Variants in GRID1 observed in about 807,000 individuals in gnomAD.
GRID1 encodes the protein glutamate receptor ionotropic, delta-1.
In GRID1, 28 loss-of-function variants were observed where a neutral mutation model predicts 98.0. The ratio of observed to expected loss-of-function variants is 0.29; its 90% CI spans 0.21 to 0.39. GRID1 has a LOEUF of 0.39. Ranked by LOEUF, GRID1 falls within the 10% of genes least tolerant of loss-of-function variation. The pLI, the probability that GRID1 is intolerant of heterozygous loss-of-function variation, is 1.00. For missense variants in GRID1, 1,111 were observed against 1,340.5 expected, an observed-to-expected ratio of 0.83 and a Z score of 2.67; for synonymous variants, 553 against 538.5, an observed-to-expected ratio of 1.03 and a Z score of -0.37.
At chr10:85,930,157 T>C (rs939308364) in intron 4 of GRID1, among the ~76,000 whole-genome samples, 2 of 151,158 alleles carry the variant, frequency 1.3e-5, no homozygotes, top group African/African-American at 4.8e-5. Context: ...CGGTTATTTA[T>C]AACTACAAAT....
chr10:85,604,158 C>T (rs192725402), intron 15 of GRID1, among the ~76,000 whole-genome samples: 2 of 152,296 alleles, frequency 1.3e-5, no homozygotes, highest in Admixed American at 6.5e-5. Flanking sequence ...CTGCAGTTCA[C>T]TCCTTGCCTC....
chr10:85,610,654 C>T (rs1842722184), intron 15 of GRID1, among the ~76,000 whole-genome samples: 1 of 152,200 alleles, frequency 6.6e-6, no homozygotes, highest in African/African-American at 2.4e-5. Context: ...CACTGCAGTA[C>T]AGCCTGCTCA....
chr10:85,767,665 C>T (rs1310891556), intron 8 of GRID1, among the ~76,000 whole-genome samples: 2 of 152,156 alleles, frequency 1.3e-5, no homozygotes, highest in Admixed American at 6.5e-5. Context: ...AAGCGGTGGG[C>T]ATTTCTTCAG....
intron 4 of GRID1, among the ~76,000 whole-genome samples, chr10:86,121,517 CTACCATCAT>C (rs1844671632): frequency 5.0e-3 from 6 of 1,198 alleles, no homozygotes; most frequent in East Asian, 0.077. Flanking sequence ...ATCATCATCA[CTACCATCAT>C]CACCATCATC....
intron 2 of GRID1, among the ~76,000 whole-genome samples, chr10:86,332,238 C>T (rs1201749667): frequency 6.6e-6 from 1 of 152,194 alleles, no homozygotes; most frequent in Non-Finnish European, 1.5e-5. Context: ...AGAATCCAGG[C>T]CAACTTCCTG....
chr10:86,126,415 T>A (rs772672585), intron 4 of GRID1, among the ~76,000 whole-genome samples: 8 of 152,114 alleles, frequency 5.3e-5, no homozygotes, highest in Non-Finnish European at 1.2e-4. Context: ...AGATCGTGCC[T>A]CTGCACTCCA....
At chr10:85,822,931 T>G (rs1034929275) in intron 8 of GRID1, among the ~76,000 whole-genome samples, 3 of 152,112 alleles carry the variant, frequency 2.0e-5, no homozygotes, top group Non-Finnish European at 4.4e-5. Context: ...AGCAAACTAT[T>G]GCAAGGACAA....
intron 2 of GRID1, among the ~76,000 whole-genome samples, chr10:86,298,934 G>A (rs1192056268): frequency 6.6e-6 from 1 of 152,170 alleles, no homozygotes; most frequent in Non-Finnish European, 1.5e-5. Context: ...ACGTGAGGAA[G>A]GAGTGGACAG....
At chr10:86,035,954 GC>G (rs1380524088) in intron 4 of GRID1, among the ~76,000 whole-genome samples, 2 of 152,188 alleles carry the variant, frequency 1.3e-5, no homozygotes, top group Non-Finnish European at 2.9e-5. Context: ...GCTTTTGAGA[GC>G]CCCCTGCAGC....
At position 85,719,135 on chromosome 10, in the gene GRID1, C is replaced by T. The variant is rs991858389; in HGVS notation, c.1997+3868G>A. On this transcript the variant is annotated intron_variant, in intron 12 of 15. Transcript: ENST00000327946. Reference sequence around the variant, plus strand: ...CAAGAGTCACCTTTGCTCCAGTTCCCGATAAGTTCCTCATCTCCACTTGAG... The same window carrying T: ...CAAGAGTCACCTTTGCTCCAGTTCCTGATAAGTTCCTCATCTCCACTTGAG... 7.9e-5 allele frequency among the ~76,000 whole-genome samples: 12 copies of T among 152,170 alleles called. No homozygotes were observed. The South Asian group carries it at 1.2e-3, about 16-fold the overall frequency.
chr10:85,968,419 C>G (rs1352655482), intron 4 of GRID1, among the ~76,000 whole-genome samples: 1 of 137,378 alleles, frequency 7.3e-6, no homozygotes, highest in Admixed American at 7.7e-5. Flanking sequence ...CCACTGCACT[C>G]TAGCCTGGAC....
chr10:85,908,861 A>G (rs549150509), intron 5 of GRID1, among the ~76,000 whole-genome samples: 1 of 152,346 alleles, frequency 6.6e-6, no homozygotes, highest in East Asian at 1.9e-4. Context: ...TCAATGGAAT[A>G]GAATCAAGAG....
chr10:85,695,497 G>A (rs1841383197), intron 12 of GRID1, among the ~76,000 whole-genome samples: 1 of 152,192 alleles, frequency 6.6e-6, no homozygotes, highest in African/African-American at 2.4e-5. Context: ...GCTATAAAAT[G>A]TGGATGCTAT....
chr10:86,184,981 T>G (rs910974686), intron 3 of GRID1, among the ~76,000 whole-genome samples: 1 of 152,154 alleles, frequency 6.6e-6, no homozygotes, highest in Non-Finnish European at 1.5e-5. Context: ...TACATTTCCA[T>G]ACAAATTTTA....
chr10:85,855,525 C>T (rs778682909), intron 7 of GRID1, among the ~76,000 whole-genome samples: 6 of 152,356 alleles, frequency 3.9e-5, no homozygotes, highest in African/African-American at 9.6e-5. Flanking sequence ...AAATTCCTAA[C>T]GCTATGGATT....
chr10:86,268,723 G>A (rs1049594963), intron 2 of GRID1, among the ~76,000 whole-genome samples: 4 of 152,018 alleles, frequency 2.6e-5, no homozygotes, highest in East Asian at 1.9e-4. Context: ...GGGCGCAGTG[G>A]CTCACACCTA....
intron 3 of GRID1, among the ~76,000 whole-genome samples, chr10:86,202,829 C>G (rs1845973302): frequency 6.6e-6 from 1 of 152,186 alleles, no homozygotes. Context: ...CCTTGCCCCA[C>G]AAAGGAGGGA....
At chr10:85,764,814 T>C (rs528606460) in intron 8 of GRID1, among the ~76,000 whole-genome samples, 1 of 152,286 alleles carries the variant, frequency 6.6e-6, no homozygotes, top group Non-Finnish European at 1.5e-5. Context: ...TACAGGCCCA[T>C]ACACAATTCA....
chr10:85,855,579 AAC>A (rs1412936169), intron 7 of GRID1, among the ~76,000 whole-genome samples: 1 of 152,170 alleles, frequency 6.6e-6, no homozygotes, highest in Non-Finnish European at 1.5e-5. Context: ...AATTCACTCT[AAC>A]AAATCATCCA....
Sources: allele counts gnomAD v4.1 joint callset (sites outside exome capture counted in the v4.1 genomes callset), GRCh38; gene constraint gnomAD v4.1.1; transcripts MANE v1.5; gene names NCBI Gene and HGNC (gene_info 2026-07-23, HGNC 2026-07-21).